The following TXLNB variants were observed in gnomAD, a reference collection of about 807,000 sequenced individuals.
TXLNB encodes the protein beta-taxilin.
In TXLNB, 37 loss-of-function variants were observed where a neutral mutation model predicts 57.4. That is an observed-to-expected ratio of 0.64 (90% confidence interval 0.50 to 0.85). The LOEUF (loss-of-function observed/expected upper bound fraction) is 0.85, where lower values mean the gene tolerates loss of function less well. TXLNB is among the 40% of genes least tolerant of loss of function. The pLI is 0.00. For synonymous variants in TXLNB, 302 were observed against 309.6 expected, an observed-to-expected ratio of 0.98 and a Z score of 0.26; for missense variants, 848 against 825.6, an observed-to-expected ratio of 1.03 and a Z score of -0.33.
chr6:139,294,568 A>T (rs1335580804), upstream of TXLNB, among the ~76,000 whole-genome samples: 2 of 152,180 alleles, frequency 1.3e-5, no homozygotes, highest in African/African-American at 4.8e-5. Flanking sequence ...GGTCTGAAAG[A>T]AACCCCTTAC....
the TXLNB span, among the ~76,000 whole-genome samples, chr6:139,231,694 C>T: frequency 2.0e-5 from 3 of 152,074 alleles, no homozygotes; most frequent in South Asian, 6.2e-4. Context: ...TAATTGGAGA[C>T]ACCAAAATCC....
chr6:139,188,447 C>T, the TXLNB span, among the ~76,000 whole-genome samples: 6 of 152,112 alleles, frequency 3.9e-5, no homozygotes, highest in Admixed American at 3.9e-4. Context: ...GAAAAATGAT[C>T]CATTTGTTTC....
intron 2 of TXLNB, chr6:139,287,007 C>G (rs1057142280): frequency 6.5e-6 from 1 of 153,070 alleles, no homozygotes; most frequent in African/African-American, 2.4e-5. Context: ...TATCCCTCCC[C>G]AGTCCATGGA....
At chr6:139,190,550 C>T in the TXLNB span, among the ~76,000 whole-genome samples, 1 of 152,116 alleles carries the variant, frequency 6.6e-6, no homozygotes, top group Non-Finnish European at 1.5e-5. Context: ...ACCTTGTGAT[C>T]TGCTCACCTC....
At chr6:139,283,844 T>A (rs1367531383) in intron 2 of TXLNB, among the ~76,000 whole-genome samples, 3 of 145,888 alleles carry the variant, frequency 2.1e-5, no homozygotes, top group African/African-American at 7.6e-5. Context: ...AATACAATGA[T>A]TAAAGACATC....
chr6:139,187,543 T>C, the TXLNB span, among the ~76,000 whole-genome samples: 1 of 152,210 alleles, frequency 6.6e-6, no homozygotes, highest in Non-Finnish European at 1.5e-5. Context: ...TTATATTTCA[T>C]TGGTTTGTGC....
the TXLNB span, among the ~76,000 whole-genome samples, chr6:139,317,349 A>T: frequency 6.6e-6 from 1 of 152,152 alleles, no homozygotes. Flanking sequence ...ATGGGCAAAT[A>T]CTAAAGCAGA....
chr6:139,247,532 C>CTTTTTTT (rs61368061), intron 8 of TXLNB, among the ~76,000 whole-genome samples: 6 of 63,088 alleles, frequency 9.5e-5, no homozygotes, highest in East Asian at 4.8e-4. Flanking sequence ...CTCTGGTCTT[C>CTTTTTTT]TTTTTTTTTT....
intron 6 of TXLNB, among the ~76,000 whole-genome samples, chr6:139,259,758 C>G (rs971995295): frequency 6.6e-6 from 1 of 152,172 alleles, no homozygotes; most frequent in African/African-American, 2.4e-5. Context: ...CCGCACCTAA[C>G]ACGGTGCTTA....
the TXLNB span, among the ~76,000 whole-genome samples, chr6:139,230,331 T>G: frequency 6.6e-6 from 1 of 152,230 alleles, no homozygotes; most frequent in African/African-American, 2.4e-5. Flanking sequence ...CTGCAATCAG[T>G]CCTGGTTTAC....
At chr6:139,187,457 T>C in the TXLNB span, among the ~76,000 whole-genome samples, 7 of 152,200 alleles carry the variant, frequency 4.6e-5, no homozygotes, top group East Asian at 1.3e-3. Flanking sequence ...TTTAATTCAG[T>C]ATTTTGTGTA....
the TXLNB span, among the ~76,000 whole-genome samples, chr6:139,219,307 A>T: frequency 1.3e-5 from 2 of 152,242 alleles, no homozygotes; most frequent in Non-Finnish European, 2.9e-5. Context: ...CTGGGTATAC[A>T]GTCCTGCCAG....
chr6:139,236,400 G>A (rs116735005), downstream of TXLNB, among the ~76,000 whole-genome samples: 270 of 152,172 alleles, frequency 1.8e-3, 1 homozygote, highest in African/African-American at 6.0e-3. Flanking sequence ...CCAAAGAAGC[G>A]AGCCACACCC....
intron 1 of TXLNB, among the ~76,000 whole-genome samples, chr6:139,290,788 C>T (rs888147742): frequency 5.3e-5 from 8 of 152,174 alleles, no homozygotes; most frequent in Non-Finnish European, 1.0e-4. Flanking sequence ...GCAAGATCCT[C>T]ATAATTCACA....
the TXLNB span, among the ~76,000 whole-genome samples, chr6:139,191,071 C>G: frequency 6.6e-6 from 1 of 152,042 alleles, no homozygotes; most frequent in African/African-American, 2.4e-5. Context: ...AGTACAGCAG[C>G]CTAGCCACAT....
chr6:139,282,468 A>C (rs1183948850), intron 2 of TXLNB, among the ~76,000 whole-genome samples: 1 of 145,074 alleles, frequency 6.9e-6, no homozygotes, highest in Non-Finnish European at 1.5e-5. Context: ...TCCTAGCTAC[A>C]TGGGAGACTG....
chr6:139,223,248 T>C, the TXLNB span, among the ~76,000 whole-genome samples: 1 of 152,164 alleles, frequency 6.6e-6, no homozygotes, highest in African/African-American at 2.4e-5. Context: ...AATTTAAAAA[T>C]ATTTTGAATG....
chr6:139,238,412 A>G (rs1775860516), downstream of TXLNB, among the ~76,000 whole-genome samples: 1 of 152,100 alleles, frequency 6.6e-6, no homozygotes, highest in African/African-American at 2.4e-5. Flanking sequence ...GAAAAAAGAA[A>G]ATATTAGTGT....
At chr6:139,301,565 A>T in the TXLNB span, among the ~76,000 whole-genome samples, 1 of 152,102 alleles carries the variant, frequency 6.6e-6, no homozygotes, top group South Asian at 2.1e-4. Flanking sequence ...AGCTCTTGAG[A>T]TGGGATCACT....
Sources: allele counts gnomAD v4.1 joint callset (sites outside exome capture counted in the v4.1 genomes callset), GRCh38; gene constraint gnomAD v4.1.1; transcripts MANE v1.5; gene names NCBI Gene and HGNC (gene_info 2026-07-23, HGNC 2026-07-21).